The following GPR39 variants were observed in gnomAD, a reference collection of about 807,000 sequenced individuals.
GPR39 encodes G protein-coupled receptor 39, also known as zinc sensing receptor.
In GPR39, 23 loss-of-function variants were observed where a neutral mutation model predicts 18.4. That is an observed-to-expected ratio of 1.25 (90% CI 0.90 to 1.77). The LOEUF is 1.77. Among genes scored for constraint, GPR39 ranks in the 40% most tolerant of loss-of-function variants. The pLI is 0.00. For synonymous variants in GPR39, 280 were observed against 257.9 expected, an observed-to-expected ratio of 1.09 and a Z score of -0.82; for missense variants, 647 against 602.4, an observed-to-expected ratio of 1.07 and a Z score of -0.78.
chr2:132,633,845 TTGG>T (rs1272766030), intron 1 of GPR39, among the ~76,000 whole-genome samples: 1 of 150,354 alleles, frequency 6.7e-6, no homozygotes, highest in African/African-American at 2.5e-5. Flanking sequence ...GGTGATGATG[TTGG>T]TGGGGGTGGT....
intron 1 of GPR39, among the ~76,000 whole-genome samples, chr2:132,554,892 A>T (rs1238025727): frequency 1.3e-5 from 2 of 152,154 alleles, no homozygotes; most frequent in African/African-American, 4.8e-5. Context: ...ACATACTTTC[A>T]TACGTGTTTG....
At chr2:132,447,676 T>A (rs898072497) in intron 1 of GPR39, among the ~76,000 whole-genome samples, 3 of 152,228 alleles carry the variant, frequency 2.0e-5, no homozygotes, top group African/African-American at 7.2e-5. Context: ...AAATATTTGT[T>A]TTTTAGCAAA....
At chr2:132,626,032 G>A (rs181970278) in intron 1 of GPR39, among the ~76,000 whole-genome samples, 12 of 151,940 alleles carry the variant, frequency 7.9e-5, no homozygotes, top group East Asian at 1.9e-4. Context: ...CCTGGGTGGC[G>A]GAGGTTGCAG....
At chr2:132,554,952 C>G (rs1420620121) in intron 1 of GPR39, among the ~76,000 whole-genome samples, 1 of 113,290 alleles carries the variant, frequency 8.8e-6, no homozygotes, top group African/African-American at 3.5e-5. Context: ...CACTTTCAAC[C>G]ATTTTTTTTT....
At chr2:132,488,305 C>A (rs2104793490) in intron 1 of GPR39, among the ~76,000 whole-genome samples, 1 of 152,144 alleles carries the variant, frequency 6.6e-6, no homozygotes, top group East Asian at 1.9e-4. Context: ...TTGAGAAAAA[C>A]CGAGCTTTTC....
chr2:132,615,019 C>T (rs1012417363), intron 1 of GPR39, among the ~76,000 whole-genome samples: 1 of 152,232 alleles, frequency 6.6e-6, no homozygotes, highest in Admixed American at 6.5e-5. Flanking sequence ...TAGACCCAGG[C>T]ATCTCACCCC....
chr2:132,591,283 A>C (rs935691484), intron 1 of GPR39, among the ~76,000 whole-genome samples: 8 of 150,782 alleles, frequency 5.3e-5, no homozygotes, highest in East Asian at 1.9e-4. Context: ...AAAAACAAAA[A>C]AAAACAGAGG....
chr2:132,480,046 G>A (rs558139970), intron 1 of GPR39, among the ~76,000 whole-genome samples: 1 of 152,296 alleles, frequency 6.6e-6, no homozygotes, highest in Admixed American at 6.5e-5. Context: ...TCAACAGATG[G>A]TATATACGTG....
At chr2:132,643,619 T>C (rs1681911123) in intron 1 of GPR39, among the ~76,000 whole-genome samples, 1 of 152,206 alleles carries the variant, frequency 6.6e-6, no homozygotes. Flanking sequence ...GCTCAAGTGA[T>C]CCTCCCGCCT....
intron 1 of GPR39, among the ~76,000 whole-genome samples, chr2:132,510,816 A>G (rs182285393): frequency 8.5e-5 from 13 of 152,348 alleles, no homozygotes; most frequent in East Asian, 3.9e-4. Context: ...TTCTTCAAAC[A>G]TGCCTCAAGA....
At position 132,417,166 on chromosome 2, in the gene GPR39, G is replaced by A. The variant is rs563921161; in HGVS notation, c.124G>A (p.Val42Met). The A allele has an allele frequency of 4.3e-6, 7 of 1,614,114 alleles. No homozygotes were observed. The South Asian group carries it at 4.4e-5, about 10-fold the overall frequency. The part of the protein sequence containing the change: ...TLILVYLIIF[V>M]MGLLGNSATI... ...TATTCTGGTGTACCTGATCATCTTC[G>A]TGATGGGCCTTCTGGGGAACAGCGC... The change falls in exon 1 of 2, where the codon GTG (valine) becomes ATG (methionine). Residue 42 changes from valine (V) to methionine (M), a missense_variant. Transcript: ENST00000329321.
intron 1 of GPR39, among the ~76,000 whole-genome samples, chr2:132,626,849 A>G (rs1188088335): frequency 6.6e-6 from 1 of 152,252 alleles, no homozygotes; most frequent in Non-Finnish European, 1.5e-5. Flanking sequence ...TGGCTTAAGA[A>G]AAAAGAATGT....
chr2:132,589,459 A>G (rs1680790536), intron 1 of GPR39, among the ~76,000 whole-genome samples: 1 of 152,236 alleles, frequency 6.6e-6, no homozygotes. Context: ...CTTATCTGAT[A>G]AAACTTTCAT....
chr2:132,581,336 C>CT (rs34169955), intron 1 of GPR39, among the ~76,000 whole-genome samples: 28,390 of 143,486 alleles, frequency 0.2, 3,277 homozygotes, highest in Non-Finnish European at 0.27. Context: ...ACGATAGTGA[C>CT]TTTTTTTTTT....
At chr2:132,467,034 G>A (rs10194093) in intron 1 of GPR39, among the ~76,000 whole-genome samples, 69,079 of 152,084 alleles carry the variant, frequency 0.45, 16,755 homozygotes, top group Non-Finnish European at 0.54. Context: ...CTAATTGACA[G>A]TAATACCCTA....
chr2:132,519,784 C>A lies in GPR39; in HGVS notation c.856+101886C>A, dbSNP rs148051963. On this transcript the variant is annotated intron_variant, in intron 1 of 1. Coordinates refer to ENST00000329321, the MANE Select transcript of GPR39 (RefSeq NM_001508.3). ...CTGATAAGCTTCAGCCTGGCACAAT[C>A]TCATCATTGCTATTTCCACCCTCTT... Among the ~76,000 whole-genome samples the A allele has an allele frequency of 2.9e-4, 44 of 152,300 alleles. No individual in the cohort carries two copies. In the East Asian group the frequency reaches 8.3e-3, roughly 29 times the overall value.
At chr2:132,512,845 A>G (rs1383641000) in intron 1 of GPR39, among the ~76,000 whole-genome samples, 2 of 152,174 alleles carry the variant, frequency 1.3e-5, no homozygotes, top group Non-Finnish European at 1.5e-5. Context: ...CTTATTTTTT[A>G]TCCCTCTGGA....
At chr2:132,535,773 T>G (rs1358354540) in intron 1 of GPR39, among the ~76,000 whole-genome samples, 1 of 150,992 alleles carries the variant, frequency 6.6e-6, no homozygotes, top group African/African-American at 2.4e-5. Context: ...GGGATTTGAC[T>G]TATTCCTGGT....
intron 1 of GPR39, among the ~76,000 whole-genome samples, chr2:132,482,696 T>G (rs1681257761): frequency 6.6e-6 from 1 of 152,236 alleles, no homozygotes; most frequent in Non-Finnish European, 1.5e-5. Context: ...AATATTTTGA[T>G]ACCAAACTGT....
Sources: gnomAD v4.1 joint callset for allele counts (sites outside exome capture counted in the v4.1 genomes callset) on GRCh38, gnomAD v4.1.1 for gene constraint, MANE v1.5 for transcripts, NCBI Gene and HGNC (gene_info 2026-07-23, HGNC 2026-07-21) for gene names.